Variants in SAMMSON observed in about 807,000 individuals in gnomAD.
SAMMSON encodes long intergenic non-protein coding RNA 1212.
chr3:70,411,090 A>G (rs1345557873), intron 2 of SAMMSON, among the ~76,000 whole-genome samples: 1 of 152,170 alleles, frequency 6.6e-6, no homozygotes, highest in Non-Finnish European at 1.5e-5. Flanking sequence ...AATTCTTTTG[A>G]AGACCATCAT....
chr3:70,275,707 G>A (rs990609764), intron 6 of SAMMSON, among the ~76,000 whole-genome samples: 3 of 152,070 alleles, frequency 2.0e-5, no homozygotes, highest in Admixed American at 2.0e-4. Context: ...TCAAAGCGTC[G>A]TTGAAAGGAT....
intron 2 of SAMMSON, among the ~76,000 whole-genome samples, chr3:70,432,429 ATTGTG>A (rs1015079836): frequency 1.3e-5 from 2 of 151,626 alleles, no homozygotes; most frequent in African/African-American, 2.4e-5. Context: ...AAATGTATGT[ATTGTG>A]TTTTCAATCT....
chr3:70,405,079 G>C (rs924983036), intron 2 of SAMMSON, among the ~76,000 whole-genome samples: 1 of 152,172 alleles, frequency 6.6e-6, no homozygotes, highest in African/African-American at 2.4e-5. Flanking sequence ...ACAATTCCCA[G>C]AGCTCTCATA....
chr3:70,235,197 A>G lies in SAMMSON; in HGVS notation n.508-13910A>G, dbSNP rs577083204. On this transcript the variant is annotated intron_variant and non_coding_transcript_variant, in intron 4 of 9. Coordinates refer to ENST00000642114, the Ensembl canonical transcript of SAMMSON. ...CATCCCTATCTCTTTTACCATCCACAAAAGATGTGTCTTCATCAACCGTCG... is the reference window on the plus strand; with the variant it reads ...CATCCCTATCTCTTTTACCATCCACGAAAGATGTGTCTTCATCAACCGTCG... Among the ~76,000 whole-genome samples, 106 of 152,236 alleles carry G rather than the reference A, an allele frequency of 7.0e-4. 1 individual carries two copies. The highest frequency in any genetic ancestry group is 3.4e-3 in the Middle Eastern group (1 of 294).
intron 2 of SAMMSON, among the ~76,000 whole-genome samples, chr3:70,415,937 C>A (rs1701261362): frequency 6.6e-6 from 1 of 152,114 alleles, no homozygotes; most frequent in Non-Finnish European, 1.5e-5. Context: ...CTGTGTACAG[C>A]AAAATGTCTA....
At chr3:70,133,310 G>A (rs2067491052) in intron 4 of SAMMSON, among the ~76,000 whole-genome samples, 1 of 152,120 alleles carries the variant, frequency 6.6e-6, no homozygotes, top group African/African-American at 2.4e-5. Context: ...TCATAAAAAC[G>A]CAAAAGGACA....
chr3:70,378,844 T>G (rs1329405257), intron 9 of SAMMSON, among the ~76,000 whole-genome samples: 1 of 152,092 alleles, frequency 6.6e-6, no homozygotes, highest in African/African-American at 2.4e-5. Context: ...ATTCTTATAA[T>G]GAACAGTGAA....
chr3:70,387,591 C>G (rs1240128667), intron 9 of SAMMSON, among the ~76,000 whole-genome samples: 1 of 152,022 alleles, frequency 6.6e-6, no homozygotes, highest in Non-Finnish European at 1.5e-5. Flanking sequence ...TCATTTTCAG[C>G]TATTATGATT....
At chr3:70,360,593 T>C (rs150223368) in intron 9 of SAMMSON, among the ~76,000 whole-genome samples, 1 of 152,198 alleles carries the variant, frequency 6.6e-6, no homozygotes, top group Non-Finnish European at 1.5e-5. Context: ...CCCATACTGA[T>C]TTGAAAGGAA....
chr3:70,202,004 A>G (rs1277374883), intron 4 of SAMMSON, among the ~76,000 whole-genome samples: 1 of 152,148 alleles, frequency 6.6e-6, no homozygotes, highest in African/African-American at 2.4e-5. Context: ...CTCTCTCTGA[A>G]TGTATATCCC....
intron 7 of SAMMSON, among the ~76,000 whole-genome samples, chr3:70,300,655 T>C (rs1283008810): frequency 6.6e-6 from 1 of 152,092 alleles, no homozygotes; most frequent in Non-Finnish European, 1.5e-5. Flanking sequence ...CAGTTGTATC[T>C]AGGGGAATCC....
chr3:70,340,884 C>G (rs2106728661), intron 7 of SAMMSON, among the ~76,000 whole-genome samples: 1 of 152,162 alleles, frequency 6.6e-6, no homozygotes, highest in Admixed American at 6.5e-5. Flanking sequence ...TGTGAGTCCT[C>G]TTGGTGAATA....
intron 7 of SAMMSON, among the ~76,000 whole-genome samples, chr3:70,349,366 T>C (rs1021601301): frequency 3.4e-4 from 51 of 151,640 alleles, no homozygotes; most frequent in African/African-American, 1.2e-3. Flanking sequence ...AGAGTGAAAC[T>C]CGGTCTTAAA....
At chr3:70,285,924 A>C (rs1702157574) in intron 6 of SAMMSON, among the ~76,000 whole-genome samples, 1 of 150,592 alleles carries the variant, frequency 6.6e-6, no homozygotes, top group African/African-American at 2.4e-5. Flanking sequence ...TTTCTTGTAA[A>C]TTTGTTTGAG....
At chr3:70,018,437 C>T (rs2066996694) in intron 3 of SAMMSON, among the ~76,000 whole-genome samples, 1 of 152,034 alleles carries the variant, frequency 6.6e-6, no homozygotes, top group Non-Finnish European at 1.5e-5. Flanking sequence ...TCCCCTGTAT[C>T]ATTTTTTATT....
At position 70,022,426 on chromosome 3, in the gene SAMMSON, C is replaced by CA. The variant is rs60455629; in HGVS notation, n.417+8778dup. 6.0e-3 allele frequency among the ~76,000 whole-genome samples: 548 copies of CA among 91,070 alleles called. 6 individuals carry two copies. The highest frequency in any genetic ancestry group is 8.7e-3 in the Non-Finnish European group (387 of 44,474). The allele number at this position is 91,070 out of a possible 152,430, so 59.7% of individuals were successfully genotyped here. ...TACCCTAAAACTTAAAGTATAATAA[C>CA]AAAAAAAAAAAAAAAAAAAAAAAAG... On this transcript the variant is annotated intron_variant and non_coding_transcript_variant, in intron 3 of 9. Transcript: ENST00000642114.
chr3:70,365,587 T>G (rs909670097), intron 9 of SAMMSON, among the ~76,000 whole-genome samples: 1 of 151,790 alleles, frequency 6.6e-6, no homozygotes, highest in African/African-American at 2.4e-5. Flanking sequence ...ATTTACTTGT[T>G]AAGTCCAGTG....
intron 7 of SAMMSON, among the ~76,000 whole-genome samples, chr3:70,318,913 A>G (rs575089446): frequency 1.8e-4 from 27 of 152,134 alleles, no homozygotes; most frequent in African/African-American, 6.3e-4. Flanking sequence ...ATTGTGTCCA[A>G]GGCATGTTAT....
At chr3:70,388,395 C>T (rs1048909742) in intron 9 of SAMMSON, among the ~76,000 whole-genome samples, 1 of 151,964 alleles carries the variant, frequency 6.6e-6, no homozygotes, top group African/African-American at 2.4e-5. Context: ...TTTTCCAACC[C>T]TTCTCTAAAA....
Sources: gnomAD v4.1 joint callset for allele counts (sites outside exome capture counted in the v4.1 genomes callset) on GRCh38, gnomAD v4.1.1 for gene constraint, MANE v1.5 for transcripts, NCBI Gene and HGNC (gene_info 2026-07-23, HGNC 2026-07-21) for gene names.